PPP3CC: variants seen among roughly 807,000 people sequenced by gnomAD.
The protein encoded by PPP3CC is serine/threonine-protein phosphatase 2B catalytic subunit gamma isoform.
In PPP3CC, 35 loss-of-function variants were observed where a neutral mutation model predicts 60.3. The ratio of observed to expected loss-of-function variants is 0.58; its 90% CI spans 0.44 to 0.77. The LOEUF is 0.77. Among genes scored for constraint, PPP3CC ranks in the 30% least tolerant of loss-of-function variants. The pLI, the probability that PPP3CC is intolerant of heterozygous loss-of-function variation, is 0.00. For missense variants in PPP3CC, 570 were observed against 628.9 expected (o/e 0.91, Z 1.00); for synonymous variants, 206 against 224.3 (o/e 0.92, Z 0.73).
Position 22,441,326 on chromosome 8 carries a change from AAG to A in PPP3CC, c.-83_-82del. On this transcript the variant is annotated 5_prime_UTR_variant, in exon 1 of 14. Transcript: ENST00000240139. ...GGCTGGCTGACGGCTCCGGGCAGCT[AAG>A]GCTGCCCGAGGAGAAGGCGGCGGCC... 1 of 1,392,010 alleles carries A rather than the reference AAG, an allele frequency of 7.2e-7. No individual in the cohort carries two copies. Among genetic ancestry groups the A allele is most frequent in the South Asian group, 1.3e-5 (1 of 75,388 alleles). 86.2% of individuals were successfully genotyped at this position (1,392,010 alleles called of 1,614,324 possible).
intron 1 of PPP3CC, among the ~76,000 whole-genome samples, chr8:22,470,644 T>C (rs1313412620): frequency 6.6e-6 from 1 of 152,180 alleles, no homozygotes; most frequent in Non-Finnish European, 1.5e-5. Flanking sequence ...CAAATGGCCC[T>C]TAAGCAAGTA....
Position 22,475,545 on chromosome 8 carries a change from T to C in PPP3CC, c.293T>C (p.Phe98Ser). 6.2e-7 allele frequency: 1 copy of C among 1,611,614 alleles called. No homozygotes were observed. The highest frequency in any genetic ancestry group is 8.5e-7 in the Non-Finnish European group (1 of 1,177,880). ...HGQFFDLMKL[F>S]EVGGSPSNTR... is the part of the protein sequence containing the mutation. ...CAATTCTTTGACCTAATGAAGTTAT[T>C]TGAAGTTGGAGGATCACCTAGTAAC... Residue 98 changes from phenylalanine to serine, a missense_variant, in exon 3 of 14, where the codon TTT becomes TCT. Coordinates refer to ENST00000240139, the MANE Select transcript of PPP3CC (RefSeq NM_005605.5).
intron 2 of PPP3CC, 149 bp downstream of exon 2, chr8:22,475,300 T>C (rs1019837738): frequency 2.0e-6 from 2 of 982,064 alleles, no homozygotes; most frequent in Non-Finnish European, 3.0e-6. Flanking sequence ...TATTTGTTGT[T>C]AATTGAAGAA....
chr8:22,486,553 A>T (rs2132488815), intron 3 of PPP3CC, among the ~76,000 whole-genome samples: 1 of 152,222 alleles, frequency 6.6e-6, no homozygotes, highest in South Asian at 2.1e-4. Flanking sequence ...TCATATGTGG[A>T]TGTGTGTACT....
chr8:22,523,732 T>G, intron 8 of PPP3CC: 1 of 449,558 alleles, frequency 2.2e-6, no homozygotes, highest in Non-Finnish European at 4.5e-6. Flanking sequence ...CCAAAAGTCA[T>G]TCGGAGTCAA....
At chr8:22,459,556 GA>G (rs1186835310) in intron 1 of PPP3CC, among the ~76,000 whole-genome samples, 1 of 152,070 alleles carries the variant, frequency 6.6e-6, no homozygotes, top group Non-Finnish European at 1.5e-5. Context: ...TCTTGCATGT[GA>G]GTATTATTTG....
At position 22,486,825 on chromosome 8, in the gene PPP3CC, G is replaced by C. The variant is rs1838240167; in HGVS notation, c.373-11176G>C. On this transcript the variant is annotated intron_variant, in intron 3 of 13. Transcript: ENST00000240139. ...GCTCACTGCAGCCTCTGCCTCCCAG[G>C]TTTAAGTGATCCTCCTGCCTCACCC... Among the ~76,000 whole-genome samples the C allele has an allele frequency of 2.0e-5, 3 of 151,798 alleles. No individual in the cohort carries two copies. The South Asian group carries it at 6.3e-4, about 32-fold the overall frequency.
intron 12 of PPP3CC, among the ~76,000 whole-genome samples, chr8:22,538,577 C>A (rs1839894415): frequency 6.6e-6 from 1 of 152,192 alleles, no homozygotes. Context: ...CTTCTTTTGG[C>A]AAATTGGTAC....
chr8:22,490,609 C>G (rs563658820), intron 3 of PPP3CC, among the ~76,000 whole-genome samples: 3 of 134,688 alleles, frequency 2.2e-5, no homozygotes, highest in South Asian at 5.8e-4. Flanking sequence ...CCCCTCCCCC[C>G]ACCCCACAAC....
chr8:22,530,403 G>A (rs1364226843), intron 10 of PPP3CC, among the ~76,000 whole-genome samples: 1 of 151,728 alleles, frequency 6.6e-6, no homozygotes, highest in Non-Finnish European at 1.5e-5. Context: ...TGCAATGAGC[G>A]GAGATCTTGC....
At chr8:22,517,324 C>G (rs566713967) in intron 6 of PPP3CC, among the ~76,000 whole-genome samples, 6 of 152,278 alleles carry the variant, frequency 3.9e-5, no homozygotes, top group African/African-American at 1.4e-4. Context: ...CTCACCTGTA[C>G]TTTTCTTTCT....
chr8:22,475,808 C>T (rs376866269), intron 3 of PPP3CC, 184 bp downstream of exon 3: 3 of 585,772 alleles, frequency 5.1e-6, no homozygotes, highest in South Asian at 6.4e-5. Flanking sequence ...TAAAACCAGT[C>T]GAAAATCTGA....
chr8:22,511,092 T>G lies in PPP3CC; in HGVS notation c.491T>G (p.Ile164Ser). ...DYFTFKQECR[I>S]KYSEQVYDAC... Reference sequence around the variant, plus strand: ...GGTTTTCCTTTTTTGTTAGGTCGAATCAAATATTCGGAACAGGTGTATGAT... The same window carrying G: ...GGTTTTCCTTTTTTGTTAGGTCGAAGCAAATATTCGGAACAGGTGTATGAT... Residue 164 changes from isoleucine (I) to serine (S), a missense_variant, in exon 5 of 14, where the codon ATC becomes AGC. Physicochemically the swap from Ile to Ser is moderately radical, Grantham distance 142. Transcript: ENST00000240139. 2 of 1,613,562 alleles carry G rather than the reference T, an allele frequency of 1.2e-6. No individual in the cohort carries two copies. The highest frequency in any genetic ancestry group is 1.7e-6 in the Non-Finnish European group (2 of 1,179,858).
intron 12 of PPP3CC, among the ~76,000 whole-genome samples, chr8:22,537,398 G>T (rs976346095): frequency 2.6e-5 from 4 of 152,198 alleles, no homozygotes; most frequent in African/African-American, 9.7e-5. Flanking sequence ...AAAGACAGCA[G>T]TTAATAAGAA....
chr8:22,534,217 A>ACAC (rs1426482767), intron 12 of PPP3CC, among the ~76,000 whole-genome samples: 1 of 151,314 alleles, frequency 6.6e-6, no homozygotes, highest in Non-Finnish European at 1.5e-5. Flanking sequence ...AAAAAAACAA[A>ACAC]CACCACAGTG....
chr8:22,522,681 C>A lies in PPP3CC; in HGVS notation c.875C>A (p.Ala292Asp), dbSNP rs753327372. ...AGYRMYRKSQ[A>D]TGFPSLITIF... ...TATCGAATGTACAGGAAGAGCCAAGCCACAGGCTTTCCATCACTTATTACA... is the reference window on the plus strand; with the variant it reads ...TATCGAATGTACAGGAAGAGCCAAGACACAGGCTTTCCATCACTTATTACA... Residue 292 changes from alanine to aspartate, a missense_variant, in exon 8 of 14, where the codon GCC becomes GAC. Transcript: ENST00000240139. The A allele has an allele frequency of 6.2e-7, 1 of 1,607,488 alleles. No individual in the cohort carries two copies. The highest frequency in any genetic ancestry group is 8.5e-7 in the Non-Finnish European group (1 of 1,174,300).
chr8:22,502,446 A>G (rs1838789637), intron 4 of PPP3CC, among the ~76,000 whole-genome samples: 2 of 152,154 alleles, frequency 1.3e-5, no homozygotes, highest in African/African-American at 4.8e-5. Context: ...ACACTTTGGG[A>G]GGCCGAGATG....
chr8:22,522,504 T>G lies in PPP3CC; in HGVS notation c.784T>G (p.Cys262Gly), dbSNP rs772146715. 8 of 1,610,640 alleles carry G rather than the reference T, an allele frequency of 5.0e-6. No individual in the cohort carries two copies. In the Admixed American group the frequency reaches 1.3e-4, roughly 27 times the overall value. ...CSYFYSYPAV[C>G]EFLQNNNLLS... ...TTTCTTTTCCAGTTACCCTGCAGTT[T>G]GTGAATTTTTGCAGAACAATAATTT... is the stretch of plus-strand genomic sequence containing the variant. The change falls in exon 7 of 14, where the codon TGT (cysteine) becomes GGT (glycine). Residue 262 changes from cysteine (C) to glycine (G), a missense_variant. Coordinates refer to ENST00000240139, the MANE Select transcript of PPP3CC (RefSeq NM_005605.5).
rs989577306 is a variant in PPP3CC, at chr8:22,475,365, G to T, written c.248-135G>T. 4 of 1,087,632 alleles carry T rather than the reference G, an allele frequency of 3.7e-6. No individual in the cohort carries two copies. The African/African-American group carries it at 4.7e-5, about 13-fold the overall frequency. 67.4% of individuals were successfully genotyped at this position (1,087,632 alleles called of 1,614,324 possible). ...TAGAACTATTTAGTATGAGTAGATT[G>T]ACTACAGTTTTACAGCAGTCCTGTC... On this transcript the variant is annotated intron_variant, in intron 2 of 13. Coordinates refer to ENST00000240139, the MANE Select transcript of PPP3CC (RefSeq NM_005605.5).
Sources: allele counts gnomAD v4.1 joint callset (sites outside exome capture counted in the v4.1 genomes callset), GRCh38; gene constraint gnomAD v4.1.1; transcripts MANE v1.5; gene names NCBI Gene and HGNC (gene_info 2026-07-23, HGNC 2026-07-21).